SV2C: variants seen among roughly 807,000 people sequenced by gnomAD.
SV2C encodes the protein solute carrier family 22 member B3.
Under a neutral mutation model 79.7 loss-of-function variants are expected in SV2C, and 49 were observed. That is an observed-to-expected ratio of 0.61 (90% CI 0.49 to 0.78). The LOEUF is 0.78. SV2C is among the 30% of genes least tolerant of loss of function. The probability of loss-of-function intolerance (pLI) is 0.00; values close to 1 mark genes in which losing one functional copy is unlikely to be tolerated. For missense variants in SV2C, 833 were observed against 912.9 expected, an observed-to-expected ratio of 0.91 and a Z score of 1.13; for synonymous variants, 334 against 333.2, an observed-to-expected ratio of 1.00 and a Z score of -0.03.
chr5:75,895,706 A>G, the SV2C span, among the ~76,000 whole-genome samples: 2 of 152,094 alleles, frequency 1.3e-5, no homozygotes, highest in Non-Finnish European at 2.9e-5. Flanking sequence ...TGCCACATGC[A>G]TGCAGCATTC....
At chr5:75,988,696 C>T in the SV2C span, among the ~76,000 whole-genome samples, 1 of 151,926 alleles carries the variant, frequency 6.6e-6, no homozygotes, top group African/African-American at 2.4e-5. Flanking sequence ...TTTGAGGAAA[C>T]CCAGAACAAA....
At chr5:76,067,489 TGA>T in the SV2C span, among the ~76,000 whole-genome samples, 1 of 152,044 alleles carries the variant, frequency 6.6e-6, no homozygotes, top group Non-Finnish European at 1.5e-5. Context: ...CTGCACTGAC[TGA>T]GAGGTTTGAC....
chr5:75,967,289 G>A, the SV2C span, among the ~76,000 whole-genome samples: 421 of 152,250 alleles, frequency 2.8e-3, 2 homozygotes, highest in African/African-American at 9.3e-3. Flanking sequence ...CTGAGGTACC[G>A]GGTTCATCTC....
chr5:75,998,775 C>T, the SV2C span, among the ~76,000 whole-genome samples: 1 of 151,880 alleles, frequency 6.6e-6, no homozygotes. Flanking sequence ...ATCACATGAG[C>T]CAATTCCTCA....
chr5:75,881,748 G>A, the SV2C span, among the ~76,000 whole-genome samples: 2 of 151,848 alleles, frequency 1.3e-5, no homozygotes, highest in Admixed American at 6.5e-5. Flanking sequence ...TGCAAACACG[G>A]ACAATTTGAC....
the SV2C span, among the ~76,000 whole-genome samples, chr5:75,954,284 G>T: frequency 0.11 from 17,124 of 151,886 alleles, 2,755 homozygotes; most frequent in African/African-American, 0.36. Flanking sequence ...GGAAGAAAAT[G>T]GCAGGCTAAG....
chr5:75,890,618 G>T, the SV2C span, among the ~76,000 whole-genome samples: 5 of 152,232 alleles, frequency 3.3e-5, no homozygotes, highest in Non-Finnish European at 7.4e-5. Context: ...GGACATTTAT[G>T]CATTTCTGTG....
the SV2C span, among the ~76,000 whole-genome samples, chr5:75,973,765 T>C: frequency 2.6e-5 from 4 of 151,972 alleles, no homozygotes; most frequent in Non-Finnish European, 5.9e-5. Context: ...TTGAGAGAAT[T>C]AATATATTTA....
chr5:76,126,973 C>T (rs780016738), intron 1 of SV2C, among the ~76,000 whole-genome samples: 22 of 152,272 alleles, frequency 1.4e-4, no homozygotes, highest in Non-Finnish European at 2.5e-4. Flanking sequence ...ATCTGAAGTG[C>T]GTGGCACATG....
chr5:76,290,454 C>T (rs1330268756), intron 6 of SV2C, among the ~76,000 whole-genome samples: 5 of 152,178 alleles, frequency 3.3e-5, no homozygotes, highest in Admixed American at 2.6e-4. Context: ...TCTTGATTAG[C>T]AGGAGAAGGC....
chr5:76,210,868 C>T (rs1161770901), intron 4 of SV2C, among the ~76,000 whole-genome samples: 1 of 152,218 alleles, frequency 6.6e-6, no homozygotes, highest in Non-Finnish European at 1.5e-5. Context: ...ACGACGAACA[C>T]ATATGTTTCT....
At chr5:76,002,966 C>A in the SV2C span, among the ~76,000 whole-genome samples, 1 of 151,794 alleles carries the variant, frequency 6.6e-6, no homozygotes, top group Non-Finnish European at 1.5e-5. Flanking sequence ...TTCCATAATC[C>A]CCACGTGTCA....
the SV2C span, among the ~76,000 whole-genome samples, chr5:75,941,072 T>C: frequency 6.6e-6 from 1 of 152,208 alleles, no homozygotes; most frequent in Admixed American, 6.5e-5. Flanking sequence ...TCATACATTA[T>C]GCAAATTTCT....
At chr5:76,029,409 G>T in the SV2C span, among the ~76,000 whole-genome samples, 1 of 152,116 alleles carries the variant, frequency 6.6e-6, no homozygotes, top group Non-Finnish European at 1.5e-5. Context: ...GATCAGTAGA[G>T]TTTTCGTTAA....
the SV2C span, among the ~76,000 whole-genome samples, chr5:76,019,041 G>C: frequency 6.6e-6 from 1 of 152,102 alleles, no homozygotes; most frequent in South Asian, 2.1e-4. Context: ...CTCCCTCCTG[G>C]GGAATTGTCC....
At chr5:75,848,704 G>C in the SV2C span, among the ~76,000 whole-genome samples, 11 of 152,116 alleles carry the variant, frequency 7.2e-5, no homozygotes, top group African/African-American at 2.4e-4. Context: ...GGGTTGGGGG[G>C]TGTGTATGGG....
intron 3 of SV2C, among the ~76,000 whole-genome samples, chr5:76,208,226 C>G (rs571725436): frequency 6.6e-6 from 1 of 152,308 alleles, no homozygotes; most frequent in South Asian, 2.1e-4. Context: ...TTATACATTA[C>G]AAATACATTT....
the SV2C span, among the ~76,000 whole-genome samples, chr5:75,954,058 G>T: frequency 6.4e-4 from 98 of 152,078 alleles, no homozygotes; most frequent in South Asian, 2.1e-3. Flanking sequence ...GGAGCCTACT[G>T]CCAGGTGTAA....
chr5:76,048,567 G>A, the SV2C span, among the ~76,000 whole-genome samples: 4 of 152,204 alleles, frequency 2.6e-5, no homozygotes, highest in South Asian at 8.3e-4. Flanking sequence ...ATTATCACAA[G>A]CCTTTAAAAA....
Sources: allele counts gnomAD v4.1 joint callset (sites outside exome capture counted in the v4.1 genomes callset), GRCh38; gene constraint gnomAD v4.1.1; transcripts MANE v1.5; gene names NCBI Gene and HGNC (gene_info 2026-07-23, HGNC 2026-07-21).